Variants in EIF4EBP2 observed in about 807,000 individuals in gnomAD.
The protein encoded by EIF4EBP2 is eukaryotic translation initiation factor 4E binding protein 2.
EIF4EBP2 carries 5 observed loss-of-function variants against 10.3 expected under a neutral mutation model. The ratio of observed to expected loss-of-function variants is 0.48; its 90% CI spans 0.25 to 1.02. The LOEUF (loss-of-function observed/expected upper bound fraction) is 1.02, where lower values mean the gene tolerates loss of function less well. EIF4EBP2 is among the 50% of genes least tolerant of loss of function. EIF4EBP2 has a pLI of 0.15. For synonymous variants in EIF4EBP2, 67 were observed against 61.1 expected (o/e 1.10, Z -0.45); for missense variants, 188 against 162.2 (o/e 1.16, Z -0.86).
intron 1 of EIF4EBP2, among the ~76,000 whole-genome samples, chr10:70,416,800 G>T (rs1246833282): frequency 1.3e-5 from 2 of 151,648 alleles, no homozygotes; most frequent in African/African-American, 2.4e-5. Context: ...CAGCAGCTGG[G>T]ACTATAGGCA....
At chr10:70,415,960 CAGAAT>C (rs1845090344) in intron 1 of EIF4EBP2, among the ~76,000 whole-genome samples, 1 of 151,472 alleles carries the variant, frequency 6.6e-6, no homozygotes, top group South Asian at 2.1e-4. Context: ...AGATAACCCA[CAGAAT>C]AGGAGACTAT....
intron 1 of EIF4EBP2, among the ~76,000 whole-genome samples, chr10:70,405,543 A>G (rs941749373): frequency 4.6e-5 from 7 of 152,150 alleles, no homozygotes; most frequent in Non-Finnish European, 8.8e-5. Context: ...CTCCTTTTTA[A>G]CTTCAGAACT....
intron 1 of EIF4EBP2, among the ~76,000 whole-genome samples, chr10:70,407,418 C>G (rs1202894948): frequency 6.6e-6 from 1 of 151,926 alleles, no homozygotes. Flanking sequence ...TTTCAGAGAG[C>G]ACAGGGTTGG....
chr10:70,409,644 C>G (rs761021395), intron 1 of EIF4EBP2, among the ~76,000 whole-genome samples: 14 of 152,152 alleles, frequency 9.2e-5, no homozygotes, highest in African/African-American at 3.4e-4. Context: ...ACTTTTCTAC[C>G]TCTGGAATGC....
At chr10:70,419,038 G>C (rs776934462) in intron 1 of EIF4EBP2, among the ~76,000 whole-genome samples, 2 of 152,140 alleles carry the variant, frequency 1.3e-5, no homozygotes, top group Non-Finnish European at 2.9e-5. Flanking sequence ...ACTAGACTCA[G>C]ACTCCTGGGC....
intron 1 of EIF4EBP2, among the ~76,000 whole-genome samples, chr10:70,416,193 A>G (rs147117072): frequency 5.3e-5 from 8 of 152,318 alleles, no homozygotes; most frequent in African/African-American, 1.9e-4. Flanking sequence ...GTGAGAAACC[A>G]CTTCATATCT....
At chr10:70,411,478 G>A (rs78354650) in intron 1 of EIF4EBP2, among the ~76,000 whole-genome samples, 34 of 151,798 alleles carry the variant, frequency 2.2e-4, no homozygotes, top group Non-Finnish European at 4.0e-4. Context: ...ACAACAAAAA[G>A]CAACATTCCG....
At chr10:70,406,807 G>A (rs1274977574) in intron 1 of EIF4EBP2, among the ~76,000 whole-genome samples, 7 of 152,156 alleles carry the variant, frequency 4.6e-5, no homozygotes, top group Admixed American at 2.6e-4. Context: ...TTCTTGTTTT[G>A]GATTTAAATA....
At chr10:70,413,136 G>GT (rs1429185554) in intron 1 of EIF4EBP2, among the ~76,000 whole-genome samples, 1 of 152,070 alleles carries the variant, frequency 6.6e-6, no homozygotes, top group African/African-American at 2.4e-5. Flanking sequence ...TCTGTCTCTT[G>GT]TTTCTCATCC....
chr10:70,404,275 GA>G lies in EIF4EBP2; in HGVS notation c.-125del, dbSNP rs1236034857. The G allele has an allele frequency of 1.6e-6, 2 of 1,241,316 alleles. No homozygotes were observed. The highest frequency in any genetic ancestry group is 6.3e-5 in the East Asian group (2 of 31,628). The allele number at this position is 1,241,316 out of a possible 1,614,324, so 76.9% of individuals were successfully genotyped here. A position where few individuals can be genotyped will look rare whatever the true frequency, so the allele number is the denominator to read the frequency against. Reference sequence around the variant, plus strand: ...GCGGCGGGAGCGGAGCGGGACGAGGGAACGGGAGGAAGCGAGCGAGGAGCGC... The same window carrying G: ...GCGGCGGGAGCGGAGCGGGACGAGGGACGGGAGGAAGCGAGCGAGGAGCGC... On this transcript the variant is annotated 5_prime_UTR_variant, in exon 1 of 3. Coordinates refer to ENST00000373218, the MANE Select transcript of EIF4EBP2 (RefSeq NM_004096.5).
chr10:70,422,003 T>C lies in EIF4EBP2; in HGVS notation c.*256T>C, dbSNP rs1845162263. ...GGCCCTTGCTGTATTTCTGTAGAGC[T>C]AAGCAGCCCTTAGAGGAAAACAGTT... is the stretch of plus-strand genomic sequence containing the variant. On this transcript the variant is annotated 3_prime_UTR_variant, in exon 3 of 3. Transcript: ENST00000373218. 1 of 467,044 alleles carries C rather than the reference T, an allele frequency of 2.1e-6. No homozygotes were observed. The highest frequency in any genetic ancestry group is 1.9e-5 in the African/African-American group (1 of 51,932). The allele number at this position is 467,044 out of a possible 1,614,324, so 28.9% of individuals were successfully genotyped here. A position where few individuals can be genotyped will look rare whatever the true frequency, so the allele number is the denominator to read the frequency against.
rs915902078 is a variant in EIF4EBP2 at position 70,423,511 on chromosome 10, A to C, written c.*1764A>C. The C allele has an allele frequency of 5.2e-5, 8 of 152,424 alleles. No individual in the cohort carries two copies. The highest frequency in any genetic ancestry group is 1.7e-4 in the African/African-American group (7 of 41,434). The allele number at this position is 152,424 out of a possible 1,614,324, so 9.4% of individuals were successfully genotyped here. On this transcript the variant is annotated 3_prime_UTR_variant, in exon 3 of 3. Transcript: ENST00000373218. The stretch of plus-strand genomic sequence containing the variant: ...GAAAGACAAAAGCATCCATCCCCTC[A>C]TAGTTAAGTAGCCACTGGTGTCCTG...
intron 1 of EIF4EBP2, among the ~76,000 whole-genome samples, chr10:70,405,384 A>T: frequency 6.6e-6 from 1 of 152,196 alleles, no homozygotes; most frequent in Non-Finnish European, 1.5e-5. Flanking sequence ...CATGACCAGG[A>T]ACTGTTTACA....
chr10:70,423,021 G>A lies in EIF4EBP2; in HGVS notation c.*1274G>A, dbSNP rs535488079. 1 of 152,238 alleles carries A rather than the reference G, an allele frequency of 6.6e-6. No individual in the cohort carries two copies. The highest frequency in any genetic ancestry group is 1.9e-4 in the East Asian group (1 of 5,180). The allele number at this position is 152,238 out of a possible 1,614,324, so 9.4% of individuals were successfully genotyped here. ...TCCTTTCCTTCCTTTTTCTCTACCA[G>A]GCCATTTTTCAAATTTACATCAAAG... is the stretch of plus-strand genomic sequence containing the variant. On this transcript the variant is annotated 3_prime_UTR_variant, in exon 3 of 3. Coordinates refer to ENST00000373218, the MANE Select transcript of EIF4EBP2 (RefSeq NM_004096.5).
chr10:70,419,923 TCATTTATGAC>T lies in EIF4EBP2; in HGVS notation c.156_165del (p.Ile53GlufsTer32). 1 of 1,570,228 alleles carries T rather than the reference TCATTTATGAC, an allele frequency of 6.4e-7. No homozygotes were observed. Among genetic ancestry groups the T allele is most frequent in the South Asian group, 1.2e-5 (1 of 84,450 alleles). On this transcript the variant is annotated frameshift_variant, in exon 2 of 3. Coordinates refer to ENST00000373218, the MANE Select transcript of EIF4EBP2 (RefSeq NM_004096.5). LOFTEE classifies it high-confidence loss of function. ...TAACCCTGTTTTCCAGGAACTCGAA[TCATTTATGAC>T]AGAAAGTTTCTGTTGGATCGTCGCA...
chr10:70,420,896 G>A (rs1263460730), intron 2 of EIF4EBP2, among the ~76,000 whole-genome samples: 1 of 152,102 alleles, frequency 6.6e-6, no homozygotes, highest in Non-Finnish European at 1.5e-5. Flanking sequence ...CCGGGTTCAC[G>A]CCATTCTCCT....
intron 1 of EIF4EBP2, among the ~76,000 whole-genome samples, chr10:70,417,652 C>T (rs1298098979): frequency 6.6e-6 from 1 of 152,152 alleles, no homozygotes; most frequent in Non-Finnish European, 1.5e-5. Flanking sequence ...TGCGTTGTTG[C>T]TGATACATAA....
At chr10:70,420,286 G>A (rs7911458) in intron 2 of EIF4EBP2, among the ~76,000 whole-genome samples, 187 bp downstream of exon 2, 32,180 of 152,038 alleles carry the variant, frequency 0.21, 3,823 homozygotes, top group Non-Finnish European at 0.27. Context: ...TGCAACCTCC[G>A]CCTCCTGGGT....
rs542932519 is a variant in EIF4EBP2 at position 70,417,025 on chromosome 10, C to T, written c.146-2889C>T. 3.9e-4 allele frequency among the ~76,000 whole-genome samples: 60 copies of T among 152,106 alleles called. 2 individuals carry two copies. The South Asian group carries it at 0.011, about 28-fold the overall frequency. The stretch of plus-strand genomic sequence containing the variant: ...AAATGTGTTCACATGAAAACTTGTA[C>T]GTGAATGTTATTCATAATAGACAAA... On this transcript the variant is annotated intron_variant, in intron 1 of 2. Transcript: ENST00000373218.
Sources: allele counts gnomAD v4.1 joint callset (sites outside exome capture counted in the v4.1 genomes callset), GRCh38; gene constraint gnomAD v4.1.1; transcripts MANE v1.5; gene names NCBI Gene and HGNC (gene_info 2026-07-23, HGNC 2026-07-21).